The following CAP2 variants were observed in gnomAD, a reference collection of about 807,000 sequenced individuals.
CAP2 encodes the protein adenylyl cyclase-associated protein 2.
In CAP2, 24 loss-of-function variants were observed where a neutral mutation model predicts 57.7. The observed-to-expected ratio is 0.42, with a 90% CI of 0.30 to 0.58. CAP2 has a LOEUF of 0.58. CAP2 is among the 20% of genes least tolerant of loss of function. The probability of loss-of-function intolerance (pLI) is 0.22; values close to 1 mark genes in which losing one functional copy is unlikely to be tolerated. For synonymous variants in CAP2, 194 were observed against 207.2 expected (o/e 0.94, Z 0.55); for missense variants, 501 against 590.3 (o/e 0.85, Z 1.57).
chr6:17,556,523 G>C lies in CAP2; in HGVS notation c.*81G>C, dbSNP rs1285084297. ...AAGCAGCAGTAAAGAGCTAGAAGTT[G>C]CAGTAGCCCCTACTGCTTTAGCTTT... On this transcript the variant is annotated 3_prime_UTR_variant, in exon 13 of 13. Transcript: ENST00000229922. 1.0e-5 allele frequency: 10 copies of C among 979,926 alleles called. No homozygotes were observed. Among genetic ancestry groups the C allele is most frequent in the Non-Finnish European group, 1.7e-5 (10 of 604,636 alleles). The allele number at this position is 979,926 out of a possible 1,614,324, so 60.7% of individuals were successfully genotyped here. A position where few individuals can be genotyped will look rare whatever the true frequency, so the allele number is the denominator to read the frequency against.
At chr6:17,544,924 A>C (rs1311438617) in intron 11 of CAP2, among the ~76,000 whole-genome samples, 1 of 152,164 alleles carries the variant, frequency 6.6e-6, no homozygotes, top group Non-Finnish European at 1.5e-5. Flanking sequence ...ACTATTACGC[A>C]TGCAAATTTT....
intron 1 of CAP2, among the ~76,000 whole-genome samples, chr6:17,401,441 G>A (rs1758814834): frequency 6.6e-6 from 1 of 152,210 alleles, no homozygotes; most frequent in Non-Finnish European, 1.5e-5. Flanking sequence ...AGTAACCTGT[G>A]TATTACCCAA....
At chr6:17,530,280 T>A (rs943836834) in intron 7 of CAP2, among the ~76,000 whole-genome samples, 2 of 152,088 alleles carry the variant, frequency 1.3e-5, no homozygotes, top group Non-Finnish European at 2.9e-5. Flanking sequence ...AGGATCTCAC[T>A]ATGTTGCCTG....
chr6:17,454,286 C>T (rs963332229), intron 3 of CAP2, among the ~76,000 whole-genome samples: 4 of 151,738 alleles, frequency 2.6e-5, no homozygotes, highest in African/African-American at 7.3e-5. Context: ...GGAGAGGAGT[C>T]GTGGCCGTGA....
chr6:17,415,200 C>G (rs556633494), intron 1 of CAP2, among the ~76,000 whole-genome samples: 1 of 152,326 alleles, frequency 6.6e-6, no homozygotes, highest in African/African-American at 2.4e-5. Flanking sequence ...TTTCAGCTAG[C>G]AATCAGGAAA....
At chr6:17,455,179 A>C (rs796468202) in intron 3 of CAP2, among the ~76,000 whole-genome samples, 1 of 152,154 alleles carries the variant, frequency 6.6e-6, no homozygotes, top group Non-Finnish European at 1.5e-5. Context: ...TAAGGCCCTG[A>C]TAAGATCTAA....
chr6:17,465,919 G>A (rs1354317108), intron 4 of CAP2, among the ~76,000 whole-genome samples: 1 of 152,158 alleles, frequency 6.6e-6, no homozygotes, highest in Non-Finnish European at 1.5e-5. Context: ...GGGCTCAAAT[G>A]TTCCTCATAG....
chr6:17,424,449 T>C (rs113139945), intron 2 of CAP2, among the ~76,000 whole-genome samples: 13 of 152,312 alleles, frequency 8.5e-5, no homozygotes, highest in African/African-American at 2.9e-4. Flanking sequence ...TACAAATGCA[T>C]AATAGGCATA....
At chr6:17,462,452 T>C (rs889575219) in intron 3 of CAP2, among the ~76,000 whole-genome samples, 1 of 152,120 alleles carries the variant, frequency 6.6e-6, no homozygotes, top group Non-Finnish European at 1.5e-5. Context: ...AAGTGTATGA[T>C]TCAGTATATT....
intron 3 of CAP2, among the ~76,000 whole-genome samples, chr6:17,438,924 A>C (rs983939601): frequency 6.6e-6 from 1 of 150,402 alleles, no homozygotes; most frequent in African/African-American, 2.5e-5. Flanking sequence ...CAGCCTGACC[A>C]ACATGGTGAA....
rs1402082701 is a variant in CAP2 at position 17,421,688 on chromosome 6, A to G, written c.121+12A>G. On this transcript the variant is annotated intron_variant, in intron 2 of 12. Transcript: ENST00000229922. The stretch of plus-strand genomic sequence containing the variant: ...TGGTGTCATTGCAGGTAGGGTCACA[A>G]ACTGTTGTCATTCCTGGTCTTCTTG... 1 of 1,614,080 alleles carries G rather than the reference A, an allele frequency of 6.2e-7. No individual in the cohort carries two copies. Among genetic ancestry groups the G allele is most frequent in the East Asian group, 2.2e-5 (1 of 44,872 alleles).
At position 17,427,276 on chromosome 6, in the gene CAP2, A is replaced by G. The variant is rs148660969; in HGVS notation, c.222+586A>G. Among the ~76,000 whole-genome samples the G allele has an allele frequency of 4.6e-5, 7 of 152,276 alleles. 1 individual carries two copies. The East Asian group carries it at 1.4e-3, about 30-fold the overall frequency. On this transcript the variant is annotated intron_variant, in intron 3 of 12. Coordinates refer to ENST00000229922, the MANE Select transcript of CAP2 (RefSeq NM_006366.3). ...GAGAGGGGTAACAAGGGCTCAGAGT[A>G]CAACATGCTCTTCTAGTCACAGTGA...
chr6:17,503,604 CAAAAAAA>C (rs763364878), intron 4 of CAP2, among the ~76,000 whole-genome samples: 1 of 73,358 alleles, frequency 1.4e-5, no homozygotes, highest in Non-Finnish European at 2.8e-5. Context: ...AACTCTATCT[CAAAAAAA>C]AAAAAAAAAA....
intron 3 of CAP2, among the ~76,000 whole-genome samples, chr6:17,448,738 T>G (rs1341037000): frequency 6.6e-6 from 1 of 151,820 alleles, no homozygotes; most frequent in East Asian, 2.0e-4. Flanking sequence ...TGGGTCTCTT[T>G]CCATGTCAAT....
chr6:17,481,633 T>A (rs1353446052), intron 4 of CAP2, among the ~76,000 whole-genome samples: 1 of 152,226 alleles, frequency 6.6e-6, no homozygotes, highest in Non-Finnish European at 1.5e-5. Flanking sequence ...TCCTTATAAA[T>A]CTCTGTCTAG....
intron 4 of CAP2, among the ~76,000 whole-genome samples, chr6:17,489,597 A>T (rs150559271): frequency 6.1e-4 from 93 of 152,202 alleles, no homozygotes; most frequent in African/African-American, 1.9e-3. Flanking sequence ...ACCCAGTGTC[A>T]GCTACCATCA....
chr6:17,413,600 G>C (rs1050583060), intron 1 of CAP2, among the ~76,000 whole-genome samples: 1 of 152,186 alleles, frequency 6.6e-6, no homozygotes, highest in African/African-American at 2.4e-5. Context: ...CATATTCAAT[G>C]AGCCAGTTAA....
chr6:17,426,222 C>G (rs1430319389), intron 2 of CAP2, among the ~76,000 whole-genome samples: 5 of 151,000 alleles, frequency 3.3e-5, no homozygotes, highest in African/African-American at 1.2e-4. Context: ...CAAGACAGTC[C>G]CAGGTTTTCT....
chr6:17,523,463 ACC>A (rs879655193), intron 7 of CAP2, among the ~76,000 whole-genome samples: 1 of 151,964 alleles, frequency 6.6e-6, no homozygotes, highest in Non-Finnish European at 1.5e-5. Flanking sequence ...GAAGGGGGAG[ACC>A]CCGATGTACG....
Sources: allele counts gnomAD v4.1 joint callset (sites outside exome capture counted in the v4.1 genomes callset), GRCh38; gene constraint gnomAD v4.1.1; transcripts MANE v1.5; gene names NCBI Gene and HGNC (gene_info 2026-07-23, HGNC 2026-07-21).